Variants in POC5 observed in about 807,000 individuals in gnomAD.
The protein encoded by POC5 is centrosomal protein POC5.
A neutral mutation model predicts 62.9 loss-of-function variants in POC5; 48 were observed. That is an observed-to-expected ratio of 0.76 (90% CI 0.61 to 0.97). POC5 has a LOEUF of 0.97. Ranked by LOEUF, POC5 falls within the 50% of genes least tolerant of loss-of-function variation. POC5 has a pLI of 0.00. For synonymous variants in POC5, 236 were observed against 228.2 expected (o/e 1.03, Z -0.31); for missense variants, 696 against 679.5 (o/e 1.02, Z -0.27).
chr5:75,695,594 C>A (rs1776530728), intron 5 of POC5, among the ~76,000 whole-genome samples: 3 of 152,010 alleles, frequency 2.0e-5, no homozygotes, highest in Non-Finnish European at 4.4e-5. Context: ...TGTGAATATG[C>A]AACTTAGTTT....
chr5:75,703,771 GT>G lies in POC5; in HGVS notation c.308-962del, dbSNP rs1261756592. 3.9e-5 allele frequency among the ~76,000 whole-genome samples: 6 copies of G among 152,114 alleles called. No individual in the cohort carries two copies. The East Asian group carries it at 5.8e-4, about 15-fold the overall frequency. On this transcript the variant is annotated intron_variant, in intron 4 of 11. Coordinates refer to ENST00000428202, the MANE Select transcript of POC5 (RefSeq NM_001099271.2). ...GAAATGTACACATCTCTATATGTAT[GT>G]GCATATATATAAAACGCTCATCCCC...
intron 2 of POC5, among the ~76,000 whole-genome samples, chr5:75,708,326 G>A (rs995361250): frequency 1.3e-5 from 2 of 152,096 alleles, no homozygotes; most frequent in African/African-American, 4.8e-5. Context: ...CAGCCTGGGT[G>A]ACAGAGCAAG....
intron 1 of POC5, among the ~76,000 whole-genome samples, chr5:75,714,861 C>T (rs1020858553): frequency 6.6e-6 from 1 of 152,006 alleles, no homozygotes; most frequent in Non-Finnish European, 1.5e-5. Flanking sequence ...GTGGGAGCGC[C>T]GCACTGGAGG....
intron 1 of POC5, among the ~76,000 whole-genome samples, chr5:75,716,984 C>T (rs555070046): frequency 6.6e-6 from 1 of 152,350 alleles, no homozygotes; most frequent in East Asian, 1.9e-4. Context: ...TTTCTTCCAT[C>T]ACCTTCCGAC....
intron 5 of POC5, among the ~76,000 whole-genome samples, chr5:75,700,123 C>A (rs1326813540): frequency 2.0e-5 from 3 of 152,018 alleles, no homozygotes; most frequent in Non-Finnish European, 4.4e-5. Flanking sequence ...GAGTCAGTAT[C>A]GTGAAAATGG....
intron 1 of POC5, among the ~76,000 whole-genome samples, chr5:75,716,669 G>A (rs1428868881): frequency 6.6e-6 from 1 of 152,198 alleles, no homozygotes; most frequent in Non-Finnish European, 1.5e-5. Flanking sequence ...ATTTTCAGTA[G>A]TCTCTAATCC....
At chr5:75,712,312 A>G in intron 2 of POC5, 1 of 1,453,386 alleles carries the variant, frequency 6.9e-7, no homozygotes, top group Non-Finnish European at 9.7e-7. Context: ...ATGATGAAAT[A>G]TTTAGAAATA....
chr5:75,677,173 G>T (rs529971825), intron 11 of POC5, among the ~76,000 whole-genome samples: 1 of 152,234 alleles, frequency 6.6e-6, no homozygotes, highest in Non-Finnish European at 1.5e-5. Context: ...TACTTGATTT[G>T]TATATATCAC....
intron 2 of POC5, 107 bp from the exon 3 acceptor site, chr5:75,707,982 C>T: frequency 1.0e-6 from 1 of 996,458 alleles, no homozygotes; most frequent in Non-Finnish European, 1.4e-6. Flanking sequence ...GAGTCCCATG[C>T]TTATTATATT....
Position 75,707,872 on chromosome 5 carries a change from C to A in POC5, c.88G>T (p.Glu30Ter). The A allele has an allele frequency of 6.3e-7, 1 of 1,582,008 alleles. No homozygotes were observed. The highest frequency in any genetic ancestry group is 1.1e-5 in the South Asian group (1 of 87,250). ...GCATAATGAAGCAGTTCTTCATATTCTTCCTAAGAGAGGCCAATAATCAAT... is the reference window on the plus strand; with the variant it reads ...GCATAATGAAGCAGTTCTTCATATTATTCCTAAGAGAGGCCAATAATCAAT... ...GSSVSSNLQE[E>*]YEELLHYAIV... is the part of the protein sequence containing the mutation. The change falls in exon 3 of 12, where the codon GAA becomes TAA. Residue 30 changes from glutamate (E) to a stop codon, truncating the protein, a stop_gained. Coordinates refer to ENST00000428202, the MANE Select transcript of POC5 (RefSeq NM_001099271.2). LOFTEE classifies it high-confidence loss of function.
chr5:75,684,457 G>A (rs866468148), intron 10 of POC5, among the ~76,000 whole-genome samples: 9 of 148,286 alleles, frequency 6.1e-5, no homozygotes, highest in Admixed American at 3.4e-4. Context: ...CTTCGCCTCC[G>A]GGGTTCAAGC....
At chr5:75,682,518 T>TTTC (rs386404141) in intron 10 of POC5, among the ~76,000 whole-genome samples, 2 of 9,574 alleles carry the variant, frequency 2.1e-4, no homozygotes, top group African/African-American at 1.2e-3. Context: ...TATTTCTTTC[T>TTTC]TTTTTTTTTT....
At chr5:75,674,736 C>A (rs1355478921) in intron 11 of POC5, among the ~76,000 whole-genome samples, 158 bp from the exon 12 acceptor site, 1 of 152,102 alleles carries the variant, frequency 6.6e-6, no homozygotes, top group African/African-American at 2.4e-5. Context: ...TTAGATGAGG[C>A]CTTTGTCTGT....
intron 4 of POC5, among the ~76,000 whole-genome samples, chr5:75,703,594 C>G (rs998273116): frequency 6.6e-6 from 1 of 151,628 alleles, no homozygotes; most frequent in Non-Finnish European, 1.5e-5. Flanking sequence ...CCACTGCACT[C>G]CAGCCTGTGA....
intron 9 of POC5, among the ~76,000 whole-genome samples, chr5:75,687,241 A>G (rs111985168): frequency 0.17 from 25,620 of 152,090 alleles, 2,376 homozygotes; most frequent in South Asian, 0.21. Context: ...CATGTTAGCC[A>G]GGATCGTCTC....
rs982399255 is a variant in POC5 at position 75,707,754 on chromosome 5, T to C, written c.206A>G (p.Asp69Gly). Residue 69 changes from aspartate to glycine, a missense_variant, in exon 3 of 12, where the codon GAT (aspartate) becomes GGT (glycine). Asp to Gly is a moderately conservative substitution (Grantham distance 94). Transcript: ENST00000428202. Reference sequence around the variant, plus strand: ...TATATAACCTTGACTATGAAGAATATCATGAATTGTAGAAATTCTGACATC... The same window carrying C: ...TATATAACCTTGACTATGAAGAATACCATGAATTGTAGAAATTCTGACATC... ...VPDVRISTIH[D>G]ILHSQGNNSE... 5 of 1,545,088 alleles carry C rather than the reference T, an allele frequency of 3.2e-6. No individual in the cohort carries two copies. The highest frequency in any genetic ancestry group is 4.4e-6 in the Non-Finnish European group (5 of 1,138,136).
chr5:75,697,055 T>G (rs1776633923), intron 5 of POC5, among the ~76,000 whole-genome samples: 1 of 151,952 alleles, frequency 6.6e-6, no homozygotes, highest in African/African-American at 2.4e-5. Context: ...TGGGACTACG[T>G]GAAAAGACCA....
intron 5 of POC5, among the ~76,000 whole-genome samples, chr5:75,700,859 A>C (rs1215744094): frequency 1.4e-5 from 2 of 139,360 alleles, no homozygotes; most frequent in Non-Finnish European, 3.2e-5. Flanking sequence ...CAATGAACTC[A>C]AACAAATTTA....
In POC5 at chr5:75,677,863, T is replaced by C. The variant is rs1477898376; in HGVS notation, c.1495A>G (p.Lys499Glu). Reference protein sequence around the residue: ...RITGRCDFASKNRISSSLAIM... With the variant: ...RITGRCDFASENRISSSLAIM... ...GCTAAACTGCTGCTAATTCTATTTT[T>C]TGAAGCAAAATCACATCTTCCTGTG... The change falls in exon 11 of 12, where the codon AAA (lysine) becomes GAA (glutamate). Residue 499 changes from lysine (K) to glutamate (E), a missense_variant. Transcript: ENST00000428202. 1.2e-6 allele frequency: 2 copies of C among 1,612,104 alleles called. No homozygotes were observed. The highest frequency in any genetic ancestry group is 1.7e-5 in the Admixed American group (1 of 59,784).
Sources: allele counts gnomAD v4.1 joint callset (sites outside exome capture counted in the v4.1 genomes callset), GRCh38; gene constraint gnomAD v4.1.1; transcripts MANE v1.5; gene names NCBI Gene and HGNC (gene_info 2026-07-23, HGNC 2026-07-21).